The following TMPRSS5 variants were observed in gnomAD, a reference collection of about 807,000 sequenced individuals.
The protein encoded by TMPRSS5 is transmembrane protease serine 5.
In TMPRSS5, 45 loss-of-function variants were observed where a neutral mutation model predicts 59.7. The observed-to-expected ratio is 0.75, with a 90% confidence interval of 0.59 to 0.97. The LOEUF is 0.97. TMPRSS5 is among the 50% of genes least tolerant of loss of function. The pLI is 0.00. For synonymous variants in TMPRSS5, 225 were observed against 232.0 expected (o/e 0.97, Z 0.27); for missense variants, 585 against 596.7 (o/e 0.98, Z 0.20).
At chr11:113,690,720 G>A in intron 10 of TMPRSS5, 121 bp downstream of exon 10, 3 of 954,084 alleles carry the variant, frequency 3.1e-6, no homozygotes, top group Non-Finnish European at 4.8e-6. Flanking sequence ...GACCAAGGGT[G>A]ATGCCAGGGA....
intron 9 of TMPRSS5, among the ~76,000 whole-genome samples, chr11:113,691,374 C>T (rs752194878): frequency 2.6e-5 from 4 of 152,158 alleles, no homozygotes; most frequent in South Asian, 2.1e-4. Context: ...TTGGGGAGAA[C>T]GCCATGTCCT....
intron 6 of TMPRSS5, 80 bp downstream of exon 6, chr11:113,696,778 T>A: frequency 1.1e-6 from 1 of 934,724 alleles, no homozygotes. Context: ...CCCACCGGCA[T>A]CCCAAGAAAG....
At chr11:113,689,260 G>A (rs1396551594) in intron 12 of TMPRSS5, among the ~76,000 whole-genome samples, 1 of 152,094 alleles carries the variant, frequency 6.6e-6, no homozygotes, top group African/African-American at 2.4e-5. Context: ...GGAGGCTGAG[G>A]CAGGAAAATC....
intron 1 of TMPRSS5, among the ~76,000 whole-genome samples, chr11:113,702,444 AAG>A (rs1953166310): frequency 6.6e-6 from 1 of 152,202 alleles, no homozygotes; most frequent in Non-Finnish European, 1.5e-5. Context: ...TTCAAGAGGA[AAG>A]AGAGCATAAA....
At position 113,688,235 on chromosome 11, in the gene TMPRSS5, G is replaced by A. The variant is rs1221766370; in HGVS notation, c.*25C>T. ...AGGAAGCATGAGGCAGTGGTGTGCA[G>A]TGAGACTGGAGGAAACAGCAGGACT... On this transcript the variant is annotated 3_prime_UTR_variant, in exon 13 of 13. Coordinates refer to ENST00000299882, the MANE Select transcript of TMPRSS5 (RefSeq NM_030770.4). 1 of 1,576,358 alleles carries A rather than the reference G, an allele frequency of 6.3e-7. No homozygotes were observed. Among genetic ancestry groups the A allele is most frequent in the Non-Finnish European group, 8.6e-7 (1 of 1,161,264 alleles).
At chr11:113,695,369 G>A (rs747970674) in intron 7 of TMPRSS5, 31 bp downstream of exon 7, 12 of 1,612,746 alleles carry the variant, frequency 7.4e-6, no homozygotes, top group East Asian at 6.7e-5. Flanking sequence ...TCCTCTCACC[G>A]CCACCTCCCC....
At chr11:113,692,996 C>T (rs1232798948) in intron 9 of TMPRSS5, 75 bp downstream of exon 9, 1 of 1,298,060 alleles carries the variant, frequency 7.7e-7, no homozygotes, top group Non-Finnish European at 1.1e-6. Context: ...GAAATCAGCT[C>T]ACCACTCTCC....
In TMPRSS5 at chr11:113,702,098, T is replaced by C. The variant is rs1025697561; in HGVS notation, c.4-1930A>G. 4.6e-5 allele frequency among the ~76,000 whole-genome samples: 7 copies of C among 152,326 alleles called. No homozygotes were observed. In the East Asian group the frequency reaches 9.6e-4, roughly 21 times the overall value. ...GAATAATGGCTTCCAGCTTCATCCA[T>C]GTCCCTGCAGAGGACATTATCTCAT... On this transcript the variant is annotated intron_variant, in intron 1 of 12. Coordinates refer to ENST00000299882, the MANE Select transcript of TMPRSS5 (RefSeq NM_030770.4).
At position 113,693,052 on chromosome 11, in the gene TMPRSS5, C is replaced by T. The variant is rs2134792631; in HGVS notation, c.964+19G>A. On this transcript the variant is annotated intron_variant, in intron 9 of 12. Coordinates refer to ENST00000299882, the MANE Select transcript of TMPRSS5 (RefSeq NM_030770.4). Reference sequence around the variant, plus strand: ...TCGCCATAGTCTCCAGCCTGCCCACCCTCAAGCCAGTGCCGCACCTGAGAA... The same window carrying T: ...TCGCCATAGTCTCCAGCCTGCCCACTCTCAAGCCAGTGCCGCACCTGAGAA... 3 of 1,553,364 alleles carry T rather than the reference C, an allele frequency of 1.9e-6. No homozygotes were observed. Among genetic ancestry groups the T allele is most frequent in the Non-Finnish European group, 2.6e-6 (3 of 1,147,836 alleles).
intron 6 of TMPRSS5, among the ~76,000 whole-genome samples, chr11:113,696,608 T>C (rs1952934591): frequency 6.6e-6 from 1 of 152,230 alleles, no homozygotes; most frequent in African/African-American, 2.4e-5. Context: ...ATGAGTACCA[T>C]GTCAAATCTT....
At position 113,696,060 on chromosome 11, in the gene TMPRSS5, G is replaced by A. The variant is rs552071153; in HGVS notation, c.579-617C>T. On this transcript the variant is annotated intron_variant, in intron 6 of 12. Coordinates refer to ENST00000299882, the MANE Select transcript of TMPRSS5 (RefSeq NM_030770.4). ...AGTTTCCCAAATCCATAGCCCTCCC[G>A]GCTCTCCTGGAGGAGTCAGCCCCAC... is the stretch of plus-strand genomic sequence containing the variant. Among the ~76,000 whole-genome samples the A allele has an allele frequency of 3.6e-4, 54 of 152,032 alleles. 1 individual carries two copies. The South Asian group carries it at 1.0e-2, about 28-fold the overall frequency.
In TMPRSS5 at chr11:113,700,200, C is replaced by T. The variant is rs908934737; in HGVS notation, c.4-32G>A. The T allele has an allele frequency of 2.0e-6, 3 of 1,492,054 alleles. No homozygotes were observed. In the African/African-American group the frequency reaches 4.2e-5, roughly 21 times the overall value. 92.4% of individuals were successfully genotyped at this position (1,492,054 alleles called of 1,614,324 possible). On this transcript the variant is annotated intron_variant, in intron 1 of 12. Coordinates refer to ENST00000299882, the MANE Select transcript of TMPRSS5 (RefSeq NM_030770.4). ...AAATAAGGGCCAGACACCCAGGATC[C>T]CCACATCAAGGACTGCTGAGAGAAG... is the stretch of plus-strand genomic sequence containing the variant.
At chr11:113,691,892 C>CTTTTTTTTTTTTTTCTTTTTT (rs58784708) in intron 9 of TMPRSS5, among the ~76,000 whole-genome samples, 1 of 121,114 alleles carries the variant, frequency 8.3e-6, no homozygotes, top group Non-Finnish European at 1.6e-5. Context: ...CCTTTTTTTT[C>CTTTTTTTTTTTTTTCTTTTTT]TTTTTTTTTT....
At position 113,700,181 on chromosome 11, in the gene TMPRSS5, G is replaced by T; in HGVS notation, c.4-13C>A. ...CCAGCATCAGGCTCTGGGGAAATAAGGGCCAGACACCCAGGATCCCCACAT... is the reference window on the plus strand; with the variant it reads ...CCAGCATCAGGCTCTGGGGAAATAATGGCCAGACACCCAGGATCCCCACAT... On this transcript the variant is annotated splice_polypyrimidine_tract_variant and intron_variant, in intron 1 of 12. Transcript: ENST00000299882. 2 of 1,534,796 alleles carry T rather than the reference G, an allele frequency of 1.3e-6. No homozygotes were observed. The highest frequency in any genetic ancestry group is 1.3e-5 in the South Asian group (1 of 79,654).
chr11:113,690,175 T>TCCCCCCCCCCCC, intron 11 of TMPRSS5, 56 bp downstream of exon 11: 3 of 159,588 alleles, frequency 1.9e-5, no homozygotes, highest in South Asian at 8.9e-5. Flanking sequence ...GCAGGCCCCC[T>TCCCCCCCCCCCC]GCCCTCCCAC....
intron 4 of TMPRSS5, among the ~76,000 whole-genome samples, chr11:113,698,597 C>G (rs1266017686): frequency 1.3e-5 from 2 of 152,182 alleles, no homozygotes; most frequent in African/African-American, 4.8e-5. Context: ...CCCACACACA[C>G]ACACCTGATC....
At chr11:113,702,123 T>C (rs1365836399) in intron 1 of TMPRSS5, among the ~76,000 whole-genome samples, 1 of 152,240 alleles carries the variant, frequency 6.6e-6, no homozygotes, top group Non-Finnish European at 1.5e-5. Flanking sequence ...CATTATCTCA[T>C]TCTTTTTATG....
chr11:113,705,885 C>A (rs535580469), intron 1 of TMPRSS5, among the ~76,000 whole-genome samples: 9 of 152,264 alleles, frequency 5.9e-5, no homozygotes, highest in African/African-American at 2.2e-4. Flanking sequence ...ACTGCCCAAG[C>A]TCATGTGCTA....
chr11:113,697,920 G>T (rs1952975679), intron 4 of TMPRSS5, among the ~76,000 whole-genome samples: 1 of 152,122 alleles, frequency 6.6e-6, no homozygotes, highest in Non-Finnish European at 1.5e-5. Context: ...ATATGTTAAA[G>T]CCCCAACCCT....
Sources: gnomAD v4.1 joint callset for allele counts (sites outside exome capture counted in the v4.1 genomes callset) on GRCh38, gnomAD v4.1.1 for gene constraint, MANE v1.5 for transcripts, NCBI Gene and HGNC (gene_info 2026-07-23, HGNC 2026-07-21) for gene names.